Variants in CLTCL1 observed in about 807,000 individuals in gnomAD.
CLTCL1 encodes clathrin heavy chain 2.
In CLTCL1, 159 loss-of-function variants were observed where a neutral mutation model predicts 190.0. The ratio of observed to expected loss-of-function variants is 0.84; its 90% CI spans 0.74 to 0.95. The LOEUF (loss-of-function observed/expected upper bound fraction) is 0.95. Among genes scored for constraint, CLTCL1 ranks in the 40% least tolerant of loss-of-function variants. The probability of loss-of-function intolerance (pLI) is 0.00; values close to 1 mark genes in which losing one functional copy is unlikely to be tolerated. For missense variants in CLTCL1, 1,878 were observed against 2,033.4 expected, an observed-to-expected ratio of 0.92 and a Z score of 1.47; for synonymous variants, 752 against 769.6, an observed-to-expected ratio of 0.98 and a Z score of 0.38.
At chr22:19,232,373 A>G in intron 10 of CLTCL1, 103 bp downstream of exon 10, 1 of 1,501,150 alleles carries the variant, frequency 6.7e-7, no homozygotes, top group Non-Finnish European at 9.1e-7. Context: ...TTAATAGCAG[A>G]TGAAGAAAAG....
rs2084880363 is a variant in CLTCL1, at chr22:19,201,429, G to A, written c.3665C>T (p.Ser1222Phe). ...GGTGGAAGCCAGGCGGGCAAAGTTA[G>A]AAACATTGCTATAGAGCAGCTTGGC... Reference protein sequence around the residue: ...EAAKLLYSNVSNFARLASTLV... With the variant: ...EAAKLLYSNVFNFARLASTLV... The change falls in exon 23 of 33, where the codon TCT becomes TTT. Residue 1222 changes from serine to phenylalanine, a missense_variant. Physicochemically the swap from Ser to Phe is radical, Grantham distance 155. Transcript: ENST00000427926. 1.9e-6 allele frequency: 3 copies of A among 1,613,948 alleles called. No individual in the cohort carries two copies. Among genetic ancestry groups the A allele is most frequent in the Non-Finnish European group, 2.5e-6 (3 of 1,179,846 alleles).
At position 19,275,685 on chromosome 22, in the gene CLTCL1, C is replaced by T. The variant is rs1555982844; in HGVS notation, c.188G>A (p.Arg63Gln). The change falls in exon 2 of 33, where the codon CGA (arginine) becomes CAA (glutamine). Residue 63 changes from arginine (R) to glutamine (Q), a missense_variant. Arg to Gln is a conservative substitution (Grantham distance 43). Coordinates refer to ENST00000427926, the MANE Select transcript of CLTCL1 (RefSeq NM_007098.4). ...GGCACTCTCTGCAGAGATAGGCCGT[C>T]GGATCGGAGCCATTGGGTCACTCAT... The part of the protein sequence containing the change: ...IDMSDPMAPI[R>Q]RPISAESAIM... The T allele has an allele frequency of 1.2e-5, 19 of 1,605,858 alleles. No individual in the cohort carries two copies. Among genetic ancestry groups the T allele is most frequent in the South Asian group, 2.2e-5 (2 of 89,298 alleles).
intron 2 of CLTCL1, among the ~76,000 whole-genome samples, chr22:19,270,387 T>C (rs1269761101): frequency 1.3e-5 from 2 of 152,056 alleles, no homozygotes; most frequent in East Asian, 1.9e-4. Context: ...AACTGTATTG[T>C]AGAGATGATT....
At chr22:19,220,063 G>C in intron 17 of CLTCL1, 56 bp from the exon 18 acceptor site, 1 of 1,609,598 alleles carries the variant, frequency 6.2e-7, no homozygotes, top group South Asian at 1.1e-5. Flanking sequence ...GAAGCTGCTT[G>C]GGAGGACACA....
chr22:19,198,447 C>T lies in CLTCL1; in HGVS notation c.3873+1287G>A, dbSNP rs1601486623. On this transcript the variant is annotated intron_variant, in intron 24 of 32. Transcript: ENST00000427926. This position sits in a 1 kb window ranked among gnomAD's most constrained non-coding sequence, Gnocchi z 4.1. Reference sequence around the variant, plus strand: ...CCCTGCACCCATCCCAAGTACAGCCCGTGACCTTCCTAACGGCCTGAGATC... The same window carrying T: ...CCCTGCACCCATCCCAAGTACAGCCTGTGACCTTCCTAACGGCCTGAGATC... 1.3e-5 allele frequency among the ~76,000 whole-genome samples: 2 copies of T among 152,308 alleles called. No homozygotes were observed. Among genetic ancestry groups the T allele is most frequent in the East Asian group, 1.9e-4 (1 of 5,180 alleles).
At chr22:19,246,012 T>C (rs1478621236) in intron 3 of CLTCL1, among the ~76,000 whole-genome samples, 1 of 152,206 alleles carries the variant, frequency 6.6e-6, no homozygotes, top group Non-Finnish European at 1.5e-5. Context: ...TTCTCTTAGG[T>C]AGACACCTAA....
At position 19,222,047 on chromosome 22, in the gene CLTCL1, A is replaced by T; in HGVS notation, c.2465T>A (p.Val822Glu). 1 of 1,614,044 alleles carries T rather than the reference A, an allele frequency of 6.2e-7. No individual in the cohort carries two copies. Among genetic ancestry groups the T allele is most frequent in the Non-Finnish European group, 8.5e-7 (1 of 1,179,900 alleles). ...TPAVIGGLLD[V>E]DCSEEVIKHL... ...TTTAATCACTTCCTCAGAACAATCCACATCAAGCAGCCCTCCAATCACAGC... is the reference window on the plus strand; with the variant it reads ...TTTAATCACTTCCTCAGAACAATCCTCATCAAGCAGCCCTCCAATCACAGC... The change falls in exon 16 of 33, where the codon GTG (valine) becomes GAG (glutamate). Residue 822 changes from valine (V) to glutamate (E), a missense_variant. Val to Glu is a moderately radical substitution (Grantham distance 121). Coordinates refer to ENST00000427926, the MANE Select transcript of CLTCL1 (RefSeq NM_007098.4).
Position 19,208,207 on chromosome 22 carries a change from C to CTG in CLTCL1, c.3546_3547insCA (p.Val1183GlnfsTer5), listed in dbSNP as rs782407893. ...TTAATAAAATCTTCTAGCTCAGAAACACGGCTGGTTTTAGCCAAGGCAAAA... is the reference window on the plus strand; with the variant it reads ...TTAATAAAATCTTCTAGCTCAGAAACTGACGGCTGGTTTTAGCCAAGGCAAAA... On this transcript the variant is annotated frameshift_variant, in exon 22 of 33. Coordinates refer to ENST00000427926, the MANE Select transcript of CLTCL1 (RefSeq NM_007098.4). LOFTEE classifies it high-confidence loss of function. The CTG allele has an allele frequency of 1.9e-6, 3 of 1,613,864 alleles. No homozygotes were observed. The South Asian group carries it at 3.3e-5, about 18-fold the overall frequency.
At chr22:19,208,891 G>A (rs1555944615) in intron 21 of CLTCL1, 31 bp downstream of exon 21, 2 of 1,540,346 alleles carry the variant, frequency 1.3e-6, no homozygotes, top group Non-Finnish European at 1.8e-6. Context: ...TCAGTGAGAT[G>A]CAGAGCCCTA....
intron 22 of CLTCL1, among the ~76,000 whole-genome samples, chr22:19,203,598 C>G (rs561684259): frequency 7.7e-4 from 117 of 152,306 alleles, no homozygotes; most frequent in African/African-American, 2.7e-3. Context: ...CCATCTCCCC[C>G]TCTCCCTGCT....
intron 2 of CLTCL1, chr22:19,258,500 G>A (rs1030651133): frequency 2.0e-6 from 1 of 501,124 alleles, no homozygotes; most frequent in East Asian, 4.8e-5. Context: ...GGGAGGTGGA[G>A]GCCTGCTATA....
Position 19,187,644 on chromosome 22 carries a change from A to C in CLTCL1, c.4519T>G (p.Phe1507Val). 3 of 1,613,488 alleles carry C rather than the reference A, an allele frequency of 1.9e-6. No individual in the cohort carries two copies. Among genetic ancestry groups the C allele is most frequent in the Non-Finnish European group, 2.5e-6 (3 of 1,179,826 alleles). ...QQLEKHQLME[F>V]RCIAAYLYKG... ...TACAGATAGGCCGCAATGCACCTGA[A>C]CTCCATCAGCTGATGCTTCTCCAGC... The change falls in exon 29 of 33, where the codon TTC (phenylalanine) becomes GTC (valine). Residue 1507 changes from phenylalanine (F) to valine (V), a missense_variant. Coordinates refer to ENST00000427926, the MANE Select transcript of CLTCL1 (RefSeq NM_007098.4).
chr22:19,278,597 A>T (rs551850852), intron 1 of CLTCL1, among the ~76,000 whole-genome samples: 15 of 152,320 alleles, frequency 9.8e-5, no homozygotes, highest in Admixed American at 3.9e-4. Flanking sequence ...ACAACCAAAG[A>T]AAACCTCCCA....
rs367971535 is a variant in CLTCL1 at position 19,233,519 on chromosome 22, T to C, written c.1271A>G (p.Gln424Arg). ...GGATTCAAGTTTATTGAGCTGACCC[T>C]GGTCGAGCAGGATTCCGAAGTACTG... is the stretch of plus-strand genomic sequence containing the variant. ...LLQYFGILLDQGQLNKLESLE... is the reference protein window; with the variant it reads ...LLQYFGILLDRGQLNKLESLE... The change falls in exon 8 of 33, where the codon CAG becomes CGG. Residue 424 changes from glutamine to arginine, a missense_variant. By Grantham distance (43) the Gln-to-Arg change is conservative (BLOSUM62 1). Coordinates refer to ENST00000427926, the MANE Select transcript of CLTCL1 (RefSeq NM_007098.4). 2 of 1,614,026 alleles carry C rather than the reference T, an allele frequency of 1.2e-6. No homozygotes were observed. The highest frequency in any genetic ancestry group is 2.2e-5 in the East Asian group (1 of 44,896).
chr22:19,281,825 G>T (rs1275302440), intron 1 of CLTCL1, among the ~76,000 whole-genome samples: 1 of 152,116 alleles, frequency 6.6e-6, no homozygotes, highest in Admixed American at 6.6e-5. Context: ...AGCATAGTGG[G>T]TTCTTAAATA....
At chr22:19,200,590 C>T (rs1555938685) in intron 23 of CLTCL1, among the ~76,000 whole-genome samples, 1 of 152,222 alleles carries the variant, frequency 6.6e-6, no homozygotes, top group Non-Finnish European at 1.5e-5. Flanking sequence ...CCTGTAATCC[C>T]AGCACTTTGG....
intron 2 of CLTCL1, among the ~76,000 whole-genome samples, chr22:19,269,617 A>G (rs574181456): frequency 1.3e-5 from 2 of 152,274 alleles, no homozygotes; most frequent in South Asian, 2.1e-4. Context: ...AAGAAATGAG[A>G]TCATGTCCTT....
chr22:19,193,562 C>A (rs1436811475), intron 26 of CLTCL1, among the ~76,000 whole-genome samples: 8 of 152,240 alleles, frequency 5.3e-5, no homozygotes, highest in African/African-American at 1.9e-4. Flanking sequence ...ATGGTAGTAT[C>A]CCTGTTTTAT....
chr22:19,291,614 G>C lies in CLTCL1; in HGVS notation c.28C>G (p.Gln10Glu). The C allele has an allele frequency of 7.1e-7, 1 of 1,402,446 alleles. No homozygotes were observed. Among genetic ancestry groups the C allele is most frequent in the Non-Finnish European group, 9.4e-7 (1 of 1,064,576 alleles). 86.9% of individuals were successfully genotyped at this position (1,402,446 alleles called of 1,614,324 possible). The part of the protein sequence containing the change: MAQILPVRF[Q>E]EHFQLQNLGI... ...CCGGGCCTCACCTGGAAGTGCTCCT[G>C]AAAGCGAACAGGGAGGATCTGCGCC... The change falls in exon 1 of 33, where the codon CAG becomes GAG. Residue 10 changes from glutamine (Q) to glutamate (E), a missense_variant. Transcript: ENST00000427926.
Sources: gnomAD v4.1 joint callset for allele counts (sites outside exome capture counted in the v4.1 genomes callset) on GRCh38, gnomAD v4.1.1 for gene constraint, Gnocchi (gnomAD v3.1) non-coding constraint, MANE v1.5 for transcripts, NCBI Gene and HGNC (gene_info 2026-07-23, HGNC 2026-07-21) for gene names.